The following GLG1 variants were observed in gnomAD, a reference collection of about 807,000 sequenced individuals.
The protein encoded by GLG1 is Golgi apparatus protein 1.
GLG1 carries 38 observed loss-of-function variants against 160.5 expected under a neutral mutation model. That is an observed-to-expected ratio of 0.24 (90% CI 0.18 to 0.31). The LOEUF is 0.31. Among genes scored for constraint, GLG1 ranks in the 10% least tolerant of loss-of-function variants. The pLI is 1.00. For missense variants in GLG1, 1,373 were observed against 1,505.2 expected, an observed-to-expected ratio of 0.91 and a Z score of 1.45; for synonymous variants, 644 against 543.4, an observed-to-expected ratio of 1.19 and a Z score of -2.57.
chr16:74,451,810 T>C lies in GLG1; in HGVS notation c.*1357A>G. On this transcript the variant is annotated 3_prime_UTR_variant, in exon 26 of 26. Transcript: ENST00000422840. ...ACACCCAGACTTGTCATCTCCACAC[T>C]GGAGGAATGAGGCGGGATGGCCAAG... is the stretch of plus-strand genomic sequence containing the variant. The C allele has an allele frequency of 2.1e-6, 1 of 469,640 alleles. No individual in the cohort carries two copies. The highest frequency in any genetic ancestry group is 3.9e-6 in the Non-Finnish European group (1 of 254,810). 29.1% of individuals were successfully genotyped at this position (469,640 alleles called of 1,614,324 possible). A position where few individuals can be genotyped will look rare whatever the true frequency, so the allele number is the denominator to read the frequency against.
At chr16:74,455,031 G>C (rs559540464) in intron 25 of GLG1, among the ~76,000 whole-genome samples, 1 of 152,116 alleles carries the variant, frequency 6.6e-6, no homozygotes, top group Non-Finnish European at 1.5e-5. Context: ...GTTCGAGGCT[G>C]CAGTGAGCCA....
intron 1 of GLG1, among the ~76,000 whole-genome samples, chr16:74,604,546 G>A (rs1958520313): frequency 6.6e-6 from 1 of 152,234 alleles, no homozygotes; most frequent in South Asian, 2.1e-4. Context: ...CCCTGCATTT[G>A]CATGCAAAGG....
chr16:74,582,302 G>T (rs1249771264), intron 1 of GLG1, among the ~76,000 whole-genome samples: 1 of 151,972 alleles, frequency 6.6e-6, no homozygotes, highest in Non-Finnish European at 1.5e-5. Flanking sequence ...AAGTAGCTGG[G>T]ATTTTAGGCA....
At chr16:74,506,600 A>AG in intron 3 of GLG1, among the ~76,000 whole-genome samples, 1 of 148,776 alleles carries the variant, frequency 6.7e-6, no homozygotes, top group Admixed American at 6.7e-5. Flanking sequence ...AAAAAAAAAA[A>AG]AAAACTCAAG....
intron 1 of GLG1, among the ~76,000 whole-genome samples, chr16:74,574,883 CA>C (rs531720341): frequency 3.4e-3 from 84 of 24,732 alleles, no homozygotes; most frequent in Non-Finnish European, 4.1e-3. Flanking sequence ...GACTCTGTCT[CA>C]AAAAAAAAAA....
Position 74,452,547 on chromosome 16 carries a change from G to T in GLG1, c.*620C>A. 9.9e-7 allele frequency: 1 copy of T among 1,011,970 alleles called. No individual in the cohort carries two copies. Among genetic ancestry groups the T allele is most frequent in the East Asian group, 9.3e-5 (1 of 10,760 alleles). The allele number at this position is 1,011,970 out of a possible 1,614,324, so 62.7% of individuals were successfully genotyped here. ...AGGGTGGAAACTGGAAAGCGTCACT[G>T]TCTCAGCAGAAGAAAGCAGGACCCC... On this transcript the variant is annotated 3_prime_UTR_variant, in exon 26 of 26. Transcript: ENST00000422840.
intron 2 of GLG1, among the ~76,000 whole-genome samples, chr16:74,528,620 T>C (rs1268555838): frequency 6.6e-6 from 1 of 151,704 alleles, no homozygotes; most frequent in Non-Finnish European, 1.5e-5. Flanking sequence ...GAGACCAGCC[T>C]GACCAACATG....
intron 1 of GLG1, among the ~76,000 whole-genome samples, chr16:74,575,732 C>A (rs566689542): frequency 1.3e-5 from 2 of 152,102 alleles, no homozygotes; most frequent in East Asian, 1.9e-4. Flanking sequence ...CGCAGTAGCT[C>A]GCTCTTTATT....
chr16:74,475,857 G>A (rs1443080402), intron 12 of GLG1, among the ~76,000 whole-genome samples: 1 of 152,168 alleles, frequency 6.6e-6, no homozygotes, highest in Non-Finnish European at 1.5e-5. Context: ...ACTTTTGGGA[G>A]TAAAATAAAT....
At chr16:74,542,762 G>GAAGGAAGGAAAGA (rs1597329200) in intron 1 of GLG1, among the ~76,000 whole-genome samples, 1 of 81,752 alleles carries the variant, frequency 1.2e-5, no homozygotes, top group Non-Finnish European at 2.5e-5. Flanking sequence ...AGGAAGGAAG[G>GAAGGAAGGAAAGA]AAGGAAGGAA....
At chr16:74,556,606 C>G (rs1186514570) in intron 1 of GLG1, among the ~76,000 whole-genome samples, 1 of 151,948 alleles carries the variant, frequency 6.6e-6, no homozygotes, top group Admixed American at 6.6e-5. Context: ...AATGCTTAAG[C>G]CTAGCCATCA....
At chr16:74,509,557 T>TA (rs554751400) in intron 2 of GLG1, among the ~76,000 whole-genome samples, 3 of 151,158 alleles carry the variant, frequency 2.0e-5, no homozygotes, top group South Asian at 2.1e-4. Context: ...TTCATTCATT[T>TA]AAAAAAAAAT....
intron 2 of GLG1, among the ~76,000 whole-genome samples, chr16:74,520,567 C>T (rs760798840): frequency 3.3e-5 from 5 of 152,046 alleles, no homozygotes; most frequent in African/African-American, 4.8e-5. Context: ...ACCCAGGGGG[C>T]GGTGGTTGCA....
At chr16:74,584,663 A>C (rs1236500575) in intron 1 of GLG1, among the ~76,000 whole-genome samples, 1 of 152,174 alleles carries the variant, frequency 6.6e-6, no homozygotes, top group Non-Finnish European at 1.5e-5. Flanking sequence ...TCACACCTGT[A>C]ATCCCAGCAC....
At chr16:74,598,792 G>C (rs979581001) in intron 1 of GLG1, among the ~76,000 whole-genome samples, 1 of 151,836 alleles carries the variant, frequency 6.6e-6, no homozygotes, top group East Asian at 1.9e-4. Flanking sequence ...GCTGAGGCAG[G>C]AGAATGGCTT....
intron 1 of GLG1, among the ~76,000 whole-genome samples, chr16:74,555,396 G>A (rs1434313146): frequency 1.3e-5 from 2 of 152,136 alleles, no homozygotes; most frequent in Non-Finnish European, 2.9e-5. Context: ...CATTTAAAAT[G>A]GGATTCCAGG....
rs2018002941 is a variant in GLG1, at chr16:74,544,878, AAT to A, written c.439-12727_439-12726del. Among the ~76,000 whole-genome samples the A allele has an allele frequency of 3.3e-5, 5 of 152,138 alleles. No homozygotes were observed. In the South Asian group the frequency reaches 1.0e-3, roughly 32 times the overall value. ...CAATGCTAGTAGTAAGTATGTAATAAATATAATCTATAATTATAATAATAATT... is the reference window on the plus strand; with the variant it reads ...CAATGCTAGTAGTAAGTATGTAATAAATAATCTATAATTATAATAATAATT... On this transcript the variant is annotated intron_variant, in intron 1 of 25. Transcript: ENST00000422840.
intron 1 of GLG1, among the ~76,000 whole-genome samples, chr16:74,594,104 G>A (rs760261273): frequency 1.5e-4 from 23 of 150,978 alleles, no homozygotes; most frequent in Admixed American, 6.6e-5. Flanking sequence ...ACGGGATTTC[G>A]ACATGTTAGC....
intron 3 of GLG1, among the ~76,000 whole-genome samples, chr16:74,508,408 T>C (rs2016689588): frequency 6.6e-6 from 1 of 152,112 alleles, no homozygotes. Flanking sequence ...AGATAAATAA[T>C]TTTTAAAATC....
Sources: allele counts gnomAD v4.1 joint callset (sites outside exome capture counted in the v4.1 genomes callset), GRCh38; gene constraint gnomAD v4.1.1; transcripts MANE v1.5; gene names NCBI Gene and HGNC (gene_info 2026-07-23, HGNC 2026-07-21).